Variants in LARGE1 observed in about 807,000 individuals in gnomAD.
LARGE1 encodes xylosyl- and glucuronyltransferase LARGE1.
A neutral mutation model predicts 87.6 loss-of-function variants in LARGE1; 43 were observed. That is an observed-to-expected ratio of 0.49 (90% confidence interval 0.38 to 0.63). The LOEUF is 0.63. Ranked by LOEUF, LARGE1 falls within the 30% of genes least tolerant of loss-of-function variation. LARGE1 has a pLI of 0.00. For synonymous variants in LARGE1, 434 were observed against 394.6 expected (o/e 1.10, Z -1.18); for missense variants, 802 against 1,000.2 (o/e 0.80, Z 2.67).
In LARGE1 at chr22:33,431,719, G is replaced by T. The variant is rs547813311; in HGVS notation, c.892+442C>A. On this transcript the variant is annotated intron_variant, in intron 7 of 14. Transcript: ENST00000397394. The stretch of plus-strand genomic sequence containing the variant: ...CCACATACATGGAAGTATGCATGGA[G>T]ATGAATCCTGAGTACCCACAGTGAA... Among the ~76,000 whole-genome samples the T allele has an allele frequency of 6.6e-5, 10 of 152,316 alleles. 1 individual carries two copies. In the South Asian group the frequency reaches 2.1e-3, roughly 32 times the overall value.
chr22:33,470,430 T>C (rs1045118857), intron 6 of LARGE1, among the ~76,000 whole-genome samples: 7 of 152,224 alleles, frequency 4.6e-5, no homozygotes, highest in Non-Finnish European at 1.0e-4. Context: ...ATTTATGATG[T>C]ATTTACTCTA....
At chr22:33,783,270 T>C (rs185899445) in intron 1 of LARGE1, among the ~76,000 whole-genome samples, 5 of 152,218 alleles carry the variant, frequency 3.3e-5, no homozygotes, top group East Asian at 1.9e-4. Flanking sequence ...TTTGAGATTA[T>C]AGCCAAATCA....
intron 9 of LARGE1, among the ~76,000 whole-genome samples, chr22:33,367,502 G>A (rs2146963189): frequency 6.6e-6 from 1 of 152,206 alleles, no homozygotes; most frequent in Admixed American, 6.5e-5. Flanking sequence ...ACTGCAGTCT[G>A]GAGCTCCTGG....
At chr22:33,678,820 T>G (rs1261468079) in intron 2 of LARGE1, among the ~76,000 whole-genome samples, 1 of 152,190 alleles carries the variant, frequency 6.6e-6, no homozygotes, top group East Asian at 1.9e-4. Context: ...TGCCATGCGA[T>G]GGTCAAGACA....
In LARGE1 at chr22:33,827,128, C is replaced by T. The variant is rs1417964144; in HGVS notation, c.-82-65570G>A. The stretch of plus-strand genomic sequence containing the variant: ...CTGTAATCCCAGCACTTTGGGAGGC[C>T]GAGGCGGGCAGATCATAAGGTCAGG... On this transcript the variant is annotated intron_variant, in intron 1 of 14. Coordinates refer to ENST00000397394, the MANE Select transcript of LARGE1 (RefSeq NM_133642.5). 2.6e-5 allele frequency among the ~76,000 whole-genome samples: 4 copies of T among 151,738 alleles called. No homozygotes were observed. In the East Asian group the frequency reaches 7.7e-4, roughly 29 times the overall value.
intron 2 of LARGE1, among the ~76,000 whole-genome samples, chr22:33,701,153 C>T (rs1009314328): frequency 1.3e-5 from 2 of 151,990 alleles, no homozygotes; most frequent in Admixed American, 6.6e-5. Context: ...TGGAGGGGAA[C>T]GCAGGTGCTA....
At chr22:33,264,889 C>CTTTTTTTTTT (rs200074908) in intron 11 of LARGE1, among the ~76,000 whole-genome samples, 2 of 74,374 alleles carry the variant, frequency 2.7e-5, no homozygotes, top group Non-Finnish European at 4.6e-5. Flanking sequence ...TGATCAAATT[C>CTTTTTTTTTT]TTTTTTTTTT....
chr22:33,244,877 G>C (rs911858330), intron 11 of LARGE1, among the ~76,000 whole-genome samples: 1 of 152,008 alleles, frequency 6.6e-6, no homozygotes, highest in Non-Finnish European at 1.5e-5. Context: ...CTTGAACAGT[G>C]GCAAAAACAA....
intron 1 of LARGE1, among the ~76,000 whole-genome samples, chr22:33,772,884 T>G (rs993173843): frequency 1.3e-5 from 2 of 152,130 alleles, no homozygotes; most frequent in African/African-American, 4.8e-5. Context: ...TGAACGAATG[T>G]GCCATCATCA....
At chr22:33,434,492 G>T (rs1439118655) in intron 6 of LARGE1, among the ~76,000 whole-genome samples, 2 of 152,114 alleles carry the variant, frequency 1.3e-5, no homozygotes, top group African/African-American at 4.8e-5. Flanking sequence ...GTAGAGACGG[G>T]GTTTCACCGT....
chr22:33,449,719 A>G (rs530850813), intron 6 of LARGE1, among the ~76,000 whole-genome samples: 68 of 152,360 alleles, frequency 4.5e-4, no homozygotes, highest in African/African-American at 1.6e-3. Context: ...TGCTTCGAGG[A>G]GAGCAATCAA....
intron 1 of LARGE1, among the ~76,000 whole-genome samples, chr22:33,794,820 A>G (rs757580041): frequency 2.6e-5 from 4 of 152,076 alleles, no homozygotes; most frequent in Non-Finnish European, 5.9e-5. Flanking sequence ...GGGTTTCACT[A>G]TATTGGCCAG....
At chr22:33,600,533 C>T (rs564930268) in intron 5 of LARGE1, among the ~76,000 whole-genome samples, 4 of 152,248 alleles carry the variant, frequency 2.6e-5, no homozygotes, top group Non-Finnish European at 5.9e-5. Flanking sequence ...GGGAAAGTTT[C>T]CCTGAGTACA....
At chr22:33,313,591 A>C (rs192172307) in intron 11 of LARGE1, among the ~76,000 whole-genome samples, 1 of 152,266 alleles carries the variant, frequency 6.6e-6, no homozygotes, top group East Asian at 1.9e-4. Context: ...GGCCAGAGAG[A>C]TTCTCCTGCT....
At chr22:33,650,905 C>T (rs555681524) in intron 2 of LARGE1, among the ~76,000 whole-genome samples, 2 of 152,060 alleles carry the variant, frequency 1.3e-5, no homozygotes, top group African/African-American at 4.8e-5. Context: ...AGAAGGCAAT[C>T]ATAATAAAAT....
At chr22:33,122,777 G>A in the LARGE1 span, among the ~76,000 whole-genome samples, 1 of 152,168 alleles carries the variant, frequency 6.6e-6, no homozygotes, top group Non-Finnish European at 1.5e-5. Flanking sequence ...TGGATCCTCT[G>A]AAAACTGGCC....
exon 12 of LARGE1, chr22:33,165,850 A>T (rs534733982): frequency 6.6e-6 from 1 of 152,310 alleles, no homozygotes; most frequent in Admixed American, 6.5e-5. Flanking sequence ...TCAGAAAAAC[A>T]CCAAGAGTAC....
At chr22:33,183,491 G>A (rs1282100246) in intron 11 of LARGE1, among the ~76,000 whole-genome samples, 3 of 151,998 alleles carry the variant, frequency 2.0e-5, no homozygotes, top group African/African-American at 7.2e-5. Context: ...ATATTCCAAA[G>A]TAATGAAATC....
At chr22:33,833,004 AGGCACCTGTGC>A (rs923194130) in intron 1 of LARGE1, among the ~76,000 whole-genome samples, 80 of 152,350 alleles carry the variant, frequency 5.3e-4, no homozygotes, top group African/African-American at 1.9e-3. Context: ...TAAGTCTCAG[AGGCACCTGTGC>A]CTTCATCCTT....
Sources: allele counts gnomAD v4.1 joint callset (sites outside exome capture counted in the v4.1 genomes callset), GRCh38; gene constraint gnomAD v4.1.1; transcripts MANE v1.5; gene names NCBI Gene and HGNC (gene_info 2026-07-23, HGNC 2026-07-21).